The following RBP2 variants were observed in gnomAD, a reference collection of about 807,000 sequenced individuals.
RBP2 encodes the protein retinol-binding protein 2.
Under a neutral mutation model 17.0 loss-of-function variants are expected in RBP2, and 17 were observed. The ratio of observed to expected loss-of-function variants is 1.00; its 90% CI spans 0.68 to 1.50. The LOEUF is 1.50. Ranked by LOEUF, RBP2 falls within the 40% of genes most tolerant of loss-of-function variation. The probability of loss-of-function intolerance (pLI) is 0.00; values close to 1 mark genes in which losing one functional copy is unlikely to be tolerated. For synonymous variants in RBP2, 48 were observed against 57.1 expected, an observed-to-expected ratio of 0.84 and a Z score of 0.72; for missense variants, 158 against 168.2, an observed-to-expected ratio of 0.94 and a Z score of 0.33.
chr3:139,460,341 G>C (rs1216724639), intron 2 of RBP2, among the ~76,000 whole-genome samples: 2 of 152,166 alleles, frequency 1.3e-5, no homozygotes, highest in Non-Finnish European at 2.9e-5. Context: ...AGAATCATAA[G>C]TTCTCATGCC....
At chr3:139,468,274 A>C (rs1427736927) in intron 1 of RBP2, among the ~76,000 whole-genome samples, 1 of 152,192 alleles carries the variant, frequency 6.6e-6, no homozygotes, top group Non-Finnish European at 1.5e-5. Flanking sequence ...TTTCTTTACA[A>C]ACGCATTCTG....
Position 139,476,460 on chromosome 3 carries a change from G to C in RBP2, c.-1C>G. Reference sequence around the variant, plus strand: ...AGGTTCCATTCTGGTCCCTTGTCATGGTGGTGGCCACTGGTTCGGTGAGGG... The same window carrying C: ...AGGTTCCATTCTGGTCCCTTGTCATCGTGGTGGCCACTGGTTCGGTGAGGG... On this transcript the variant is annotated 5_prime_UTR_variant, in exon 1 of 4. Coordinates refer to ENST00000232217, the MANE Select transcript of RBP2 (RefSeq NM_004164.3). 1 of 1,613,904 alleles carries C rather than the reference G, an allele frequency of 6.2e-7. No individual in the cohort carries two copies. The highest frequency in any genetic ancestry group is 8.5e-7 in the Non-Finnish European group (1 of 1,179,946).
At chr3:139,474,813 A>G (rs1323584359) in intron 1 of RBP2, among the ~76,000 whole-genome samples, 1 of 152,150 alleles carries the variant, frequency 6.6e-6, no homozygotes, top group Non-Finnish European at 1.5e-5. Flanking sequence ...TTCTAGTTCC[A>G]AGCTATGCTC....
rs1229366152 is a variant in RBP2, at chr3:139,468,659, AACAC to A, written c.74-6373_74-6370del. ...ACTGAGGATGTAGAACACACACACA[AACAC>A]ACACACACATGCACACACACACACA... On this transcript the variant is annotated intron_variant, in intron 1 of 3. Coordinates refer to ENST00000232217, the MANE Select transcript of RBP2 (RefSeq NM_004164.3). 2.0e-5 allele frequency among the ~76,000 whole-genome samples: 3 copies of A among 150,502 alleles called. No individual in the cohort carries two copies. The East Asian group carries it at 5.8e-4, about 29-fold the overall frequency.
intron 2 of RBP2, among the ~76,000 whole-genome samples, chr3:139,457,472 G>A (rs770682074): frequency 2.0e-5 from 3 of 152,136 alleles, no homozygotes; most frequent in African/African-American, 4.8e-5. Flanking sequence ...GTTAGTGCAT[G>A]GGCCTGTCCT....
intron 1 of RBP2, among the ~76,000 whole-genome samples, chr3:139,474,320 T>C (rs1020838723): frequency 1.3e-5 from 2 of 152,182 alleles, no homozygotes; most frequent in South Asian, 2.1e-4. Flanking sequence ...TGTAGTGTAC[T>C]CTGCATCCTC....
Position 139,476,370 on chromosome 3 carries a change from C to T in RBP2, c.73+17G>A. 1 of 1,611,292 alleles carries T rather than the reference C, an allele frequency of 6.2e-7. No homozygotes were observed. The highest frequency in any genetic ancestry group is 8.5e-7 in the Non-Finnish European group (1 of 1,177,636). On this transcript the variant is annotated intron_variant, in intron 1 of 3. Coordinates refer to ENST00000232217, the MANE Select transcript of RBP2 (RefSeq NM_004164.3). The stretch of plus-strand genomic sequence containing the variant: ...CCCAACAACAGCTACCCTCCCCATC[C>T]CCAGTCTCCTCCTTACCCAGGGCCT...
At chr3:139,466,384 T>C (rs2107877119) in intron 1 of RBP2, 1 of 152,326 alleles carries the variant, frequency 6.6e-6, no homozygotes, top group Middle Eastern at 3.4e-3. Context: ...TGCTGACCTG[T>C]TTAGGTAGGA....
At position 139,476,422 on chromosome 3, in the gene RBP2, C is replaced by T; in HGVS notation, c.38G>A (p.Ser13Asn). 6.2e-7 allele frequency: 1 copy of T among 1,614,034 alleles called. No homozygotes were observed. Among genetic ancestry groups the T allele is most frequent in the African/African-American group, 1.3e-5 (1 of 75,000 alleles). Reference protein sequence around the residue: ...RDQNGTWEMESNENFEGYMKA... With the variant: ...RDQNGTWEMENNENFEGYMKA... The stretch of plus-strand genomic sequence containing the variant: ...CATGTAGCCCTCAAAGTTTTCATTA[C>T]TCTCCATCTCCCAGGTTCCATTCTG... Residue 13 changes from serine to asparagine, a missense_variant, in exon 1 of 4, where the codon AGT (serine) becomes AAT (asparagine). Coordinates refer to ENST00000232217, the MANE Select transcript of RBP2 (RefSeq NM_004164.3).
At chr3:139,474,579 C>G (rs1285213053) in intron 1 of RBP2, among the ~76,000 whole-genome samples, 2 of 152,150 alleles carry the variant, frequency 1.3e-5, no homozygotes, top group Non-Finnish European at 2.9e-5. Context: ...TTCCAAATAA[C>G]CCTTGTTAAA....
chr3:139,456,167 AT>A (rs1218544174), intron 2 of RBP2, among the ~76,000 whole-genome samples: 8 of 152,116 alleles, frequency 5.3e-5, no homozygotes, highest in African/African-American at 1.9e-4. Context: ...TGCAAACTAC[AT>A]TATGCCTCTC....
Position 139,452,946 on chromosome 3 carries a change from G to C in RBP2, c.*170C>G, listed in dbSNP as rs1185262506. 7 of 652,890 alleles carry C rather than the reference G, an allele frequency of 1.1e-5. No homozygotes were observed. The highest frequency in any genetic ancestry group is 1.9e-5 in the Non-Finnish European group (7 of 375,504). The allele number at this position is 652,890 out of a possible 1,614,324, so 40.4% of individuals were successfully genotyped here. On this transcript the variant is annotated 3_prime_UTR_variant, in exon 4 of 4. Coordinates refer to ENST00000232217, the MANE Select transcript of RBP2 (RefSeq NM_004164.3). The stretch of plus-strand genomic sequence containing the variant: ...CCATTTAATGCTAGGTTTCAAAGGA[G>C]GGGAATATGTCTATCACTGCTACAT...
intron 1 of RBP2, among the ~76,000 whole-genome samples, chr3:139,470,110 G>GAGTAT (rs1298131116): frequency 6.6e-6 from 1 of 152,128 alleles, no homozygotes; most frequent in East Asian, 1.9e-4. Flanking sequence ...ATTTGAATGT[G>GAGTAT]TAACATATCT....
intron 1 of RBP2, among the ~76,000 whole-genome samples, chr3:139,462,558 A>ACACACACACACACACACACACACACACAC (rs1933225306): frequency 8.2e-6 from 1 of 121,348 alleles, no homozygotes; most frequent in African/African-American, 3.8e-5. Context: ...GCAGCTCCCC[A>ACACACACACACACACACACACACACACAC]ACACACACAC....
chr3:139,457,776 T>C (rs1439368551), intron 2 of RBP2, among the ~76,000 whole-genome samples: 1 of 152,188 alleles, frequency 6.6e-6, no homozygotes, highest in Non-Finnish European at 1.5e-5. Flanking sequence ...AGCCCTTCTT[T>C]CTCAGCTAGG....
chr3:139,470,865 G>A (rs375170416), intron 1 of RBP2, among the ~76,000 whole-genome samples: 3 of 152,022 alleles, frequency 2.0e-5, no homozygotes, highest in African/African-American at 7.2e-5. Context: ...GGGATTACAG[G>A]TGTGAGCCAT....
intron 1 of RBP2, among the ~76,000 whole-genome samples, chr3:139,470,371 C>T (rs1367916342): frequency 6.6e-6 from 1 of 152,036 alleles, no homozygotes; most frequent in East Asian, 1.9e-4. Flanking sequence ...CTCTTTTCTC[C>T]AGCTCCACAG....
chr3:139,473,757 T>A (rs1423432067), intron 1 of RBP2, among the ~76,000 whole-genome samples: 1 of 152,194 alleles, frequency 6.6e-6, no homozygotes, highest in Admixed American at 6.5e-5. Context: ...CTGTCTTCAA[T>A]CACTGCCATG....
chr3:139,461,537 GA>G (rs555045855), intron 2 of RBP2, among the ~76,000 whole-genome samples: 2 of 100,036 alleles, frequency 2.0e-5, no homozygotes, highest in African/African-American at 1.3e-4. Context: ...TTAACCTACT[GA>G]TTTTTTTTTT....
Sources: allele counts gnomAD v4.1 joint callset (sites outside exome capture counted in the v4.1 genomes callset), GRCh38; gene constraint gnomAD v4.1.1; transcripts MANE v1.5; gene names NCBI Gene and HGNC (gene_info 2026-07-23, HGNC 2026-07-21).